The following MYOCD variants were observed in gnomAD, a reference collection of about 807,000 sequenced individuals.
MYOCD encodes myocardin.
In MYOCD, 32 loss-of-function variants were observed where a neutral mutation model predicts 96.1. The ratio of observed to expected loss-of-function variants is 0.33; its 90% CI spans 0.25 to 0.45. The LOEUF (loss-of-function observed/expected upper bound fraction) is 0.45, where lower values mean the gene tolerates loss of function less well. Among genes scored for constraint, MYOCD ranks in the 20% least tolerant of loss-of-function variants. MYOCD has a pLI of 1.00. For missense variants in MYOCD, 1,133 were observed against 1,200.6 expected, an observed-to-expected ratio of 0.94 and a Z score of 0.83; for synonymous variants, 469 against 469.0, an observed-to-expected ratio of 1.00 and a Z score of 0.00.
At chr17:12,721,389 G>A (rs2031833683) in intron 4 of MYOCD, among the ~76,000 whole-genome samples, 1 of 152,190 alleles carries the variant, frequency 6.6e-6, no homozygotes, top group Non-Finnish European at 1.5e-5. Context: ...AAGATGAAGG[G>A]TTTGTCCTTG....
intron 13 of MYOCD, chr17:12,761,932 A>G (rs972167066): frequency 1.3e-5 from 2 of 152,312 alleles, no homozygotes; most frequent in Admixed American, 6.5e-5. Context: ...CTGCCCTTGT[A>G]TATTTTTAAT....
intron 9 of MYOCD, among the ~76,000 whole-genome samples, chr17:12,749,534 T>TTATA (rs56853262): frequency 0.38 from 54,244 of 144,600 alleles, 10,418 homozygotes; most frequent in East Asian, 0.44. Context: ...GTCTCAAAAC[T>TTATA]TATATATATA....
chr17:12,753,887 G>A (rs2032934070), intron 10 of MYOCD, among the ~76,000 whole-genome samples: 1 of 152,186 alleles, frequency 6.6e-6, no homozygotes. Flanking sequence ...CATTTACTGA[G>A]CACCTACTAT....
intron 1 of MYOCD, among the ~76,000 whole-genome samples, chr17:12,667,110 C>T (rs1197916914): frequency 6.6e-6 from 1 of 152,186 alleles, no homozygotes; most frequent in Non-Finnish European, 1.5e-5. Flanking sequence ...TTTAGGAGAA[C>T]TCTGATGTGA....
At chr17:12,761,463 C>A (rs1295334236) in intron 13 of MYOCD, 1 of 152,100 alleles carries the variant, frequency 6.6e-6, no homozygotes, top group East Asian at 1.9e-4. Flanking sequence ...GGGAGACAGA[C>A]AACAAGCAAG....
intron 2 of MYOCD, among the ~76,000 whole-genome samples, chr17:12,715,276 T>C (rs1013516687): frequency 1.4e-5 from 2 of 147,376 alleles, no homozygotes; most frequent in Admixed American, 7.0e-5. Flanking sequence ...CCATCACTTC[T>C]CTTCTTGTTG....
At chr17:12,740,020 C>T (rs1199259552) in intron 7 of MYOCD, among the ~76,000 whole-genome samples, 1 of 152,104 alleles carries the variant, frequency 6.6e-6, no homozygotes, top group Non-Finnish European at 1.5e-5. Flanking sequence ...ACTGCAACCT[C>T]CGCCTCCCAG....
chr17:12,738,833 C>T (rs538293830), intron 6 of MYOCD, among the ~76,000 whole-genome samples: 5 of 152,012 alleles, frequency 3.3e-5, no homozygotes, highest in Admixed American at 2.0e-4. Context: ...GCCCACACAC[C>T]GAGACCAGAT....
intron 1 of MYOCD, among the ~76,000 whole-genome samples, chr17:12,696,096 T>C (rs1159734133): frequency 6.6e-6 from 1 of 152,052 alleles, no homozygotes; most frequent in Admixed American, 6.6e-5. Flanking sequence ...CTCGCCCTGT[T>C]ACCAGCCTGG....
rs770762459 is a variant in MYOCD, at chr17:12,758,204, C to T, written c.2322C>T (p.Ala774=). The T allele has an allele frequency of 3.0e-5, 48 of 1,613,746 alleles. No homozygotes were observed. The highest frequency in any genetic ancestry group is 4.0e-5 in the African/African-American group (3 of 74,864). ...CACAGCCTCCATCCTATGAAGATGC[C>T]GTAAAGCAGGTAACCATGTGATTTG... The part of the protein sequence containing the change: ...EVTQPPSYED[A]VKQQMTRSQQ... The change falls in exon 12 of 14, where the codon GCC becomes GCT. Residue 774 remains alanine, a synonymous_variant. Coordinates refer to ENST00000425538, the MANE Select transcript of MYOCD (RefSeq NM_001146312.3).
chr17:12,712,460 A>G (rs570017745), intron 2 of MYOCD, among the ~76,000 whole-genome samples: 21 of 152,226 alleles, frequency 1.4e-4, no homozygotes, highest in Admixed American at 9.8e-4. Flanking sequence ...CCTGCCTTCA[A>G]TGAGTTCTCT....
intron 10 of MYOCD, among the ~76,000 whole-genome samples, chr17:12,755,310 G>A (rs2032979918): frequency 6.6e-6 from 1 of 152,118 alleles, no homozygotes; most frequent in Non-Finnish European, 1.5e-5. Context: ...AAAATTTCAT[G>A]ATAAAATGAT....
intron 13 of MYOCD, 69 bp downstream of exon 13, chr17:12,760,776 G>T (rs376180066): frequency 7.8e-7 from 1 of 1,288,322 alleles, no homozygotes; most frequent in Non-Finnish European, 1.1e-6. Flanking sequence ...ATGAACTCTC[G>T]GTACCAAGAT....
Position 12,666,170 on chromosome 17 carries a change from C to G in MYOCD, c.-19C>G. On this transcript the variant is annotated 5_prime_UTR_variant, in exon 1 of 14. Coordinates refer to ENST00000425538, the MANE Select transcript of MYOCD (RefSeq NM_001146312.3). ...AGGGGGCGCCTGGCCAAGGGACCAG[C>G]GGCTTGCTGAGACTCAACATGACAC... The G allele has an allele frequency of 6.2e-7, 1 of 1,610,350 alleles. No individual in the cohort carries two copies.
intron 2 of MYOCD, among the ~76,000 whole-genome samples, chr17:12,713,554 G>A (rs1020698787): frequency 6.6e-6 from 1 of 152,086 alleles, no homozygotes; most frequent in African/African-American, 2.4e-5. Context: ...TTCATTTTCT[G>A]GGTTATGTAA....
Position 12,718,912 on chromosome 17 carries a change from G to A in MYOCD, c.253+1491G>A, listed in dbSNP as rs1293919536. Among the ~76,000 whole-genome samples the A allele has an allele frequency of 6.6e-5, 10 of 152,176 alleles. No homozygotes were observed. The South Asian group carries it at 1.0e-3, about 16-fold the overall frequency. ...TTTCAGGCCGGGTGTGGTGGCTCAC[G>A]CCTGTAATCCCAGTACTTTGGGAGG... On this transcript the variant is annotated intron_variant, in intron 4 of 13. Coordinates refer to ENST00000425538, the MANE Select transcript of MYOCD (RefSeq NM_001146312.3).
At chr17:12,731,190 C>G (rs2032160792) in intron 5 of MYOCD, among the ~76,000 whole-genome samples, 1 of 152,176 alleles carries the variant, frequency 6.6e-6, no homozygotes, top group Non-Finnish European at 1.5e-5. Flanking sequence ...GAGCGGAGGC[C>G]CAGGGTCACA....
chr17:12,733,728 A>G (rs1046356983), intron 5 of MYOCD, among the ~76,000 whole-genome samples: 3 of 152,004 alleles, frequency 2.0e-5, no homozygotes, highest in Non-Finnish European at 4.4e-5. Flanking sequence ...TTAGCTGGGC[A>G]TGGTGGCGCA....
chr17:12,670,035 G>A (rs1351558625), intron 1 of MYOCD, among the ~76,000 whole-genome samples: 3 of 152,158 alleles, frequency 2.0e-5, no homozygotes, highest in African/African-American at 7.2e-5. Context: ...CCAGAGTACA[G>A]CCAGCTTATG....
Sources: gnomAD v4.1 joint callset for allele counts (sites outside exome capture counted in the v4.1 genomes callset) on GRCh38, gnomAD v4.1.1 for gene constraint, MANE v1.5 for transcripts, NCBI Gene and HGNC (gene_info 2026-07-23, HGNC 2026-07-21) for gene names.